The following MECOM variants were observed in gnomAD, a reference collection of about 807,000 sequenced individuals.
MECOM encodes MDS1 and EVI1 complex locus, also known as histone-lysine N-methyltransferase MECOM.
MECOM carries 13 observed loss-of-function variants against 116.3 expected under a neutral mutation model. The observed-to-expected ratio is 0.11, with a 90% CI of 0.07 to 0.18. MECOM has a LOEUF of 0.18. MECOM is among the 10% of genes least tolerant of loss of function. The pLI is 1.00. For missense variants in MECOM, 1,299 were observed against 1,509.0 expected (o/e 0.86, Z 2.31); for synonymous variants, 528 against 535.2 (o/e 0.99, Z 0.19).
chr3:169,157,007 A>G (rs188860892), intron 2 of MECOM, among the ~76,000 whole-genome samples: 1 of 152,330 alleles, frequency 6.6e-6, no homozygotes, highest in East Asian at 1.9e-4. Flanking sequence ...ATCTTTAGAT[A>G]AACCACAAAC....
chr3:169,659,360 C>T (rs879920377), intron 1 of MECOM, among the ~76,000 whole-genome samples: 3 of 149,248 alleles, frequency 2.0e-5, no homozygotes, highest in Admixed American at 6.7e-5. Context: ...TCTGCCTCTA[C>T]AGCTAATGAA....
At chr3:169,589,657 T>A (rs1043339514) in intron 1 of MECOM, among the ~76,000 whole-genome samples, 1 of 152,166 alleles carries the variant, frequency 6.6e-6, no homozygotes, top group African/African-American at 2.4e-5. Context: ...CCCCACTGAT[T>A]TATTGCTGAA....
chr3:169,509,256 T>C (rs931863065), intron 1 of MECOM, among the ~76,000 whole-genome samples: 2 of 152,240 alleles, frequency 1.3e-5, no homozygotes, highest in Admixed American at 6.5e-5. Flanking sequence ...GATGTGATGA[T>C]TGATGTTCAG....
intron 1 of MECOM, among the ~76,000 whole-genome samples, chr3:169,516,831 G>A (rs1007823879): frequency 2.0e-5 from 3 of 152,158 alleles, no homozygotes; most frequent in African/African-American, 7.2e-5. Flanking sequence ...ACCCACAGAG[G>A]AAAACGAATG....
chr3:169,300,068 CCTAA>C (rs549512354), intron 2 of MECOM, among the ~76,000 whole-genome samples: 5 of 152,294 alleles, frequency 3.3e-5, no homozygotes, highest in Admixed American at 1.3e-4. Context: ...CAGAGGTGAG[CCTAA>C]CTGAGTGCAC....
chr3:169,093,600 C>T (rs1720530710), intron 13 of MECOM, among the ~76,000 whole-genome samples: 1 of 152,148 alleles, frequency 6.6e-6, no homozygotes, highest in Non-Finnish European at 1.5e-5. Flanking sequence ...CTGGGCGAAG[C>T]TGTGAGTTGA....
rs780382585 is a variant in MECOM at position 169,381,380 on chromosome 3, C to A, written c.182G>T (p.Gly61Val). 6.2e-7 allele frequency: 1 copy of A among 1,613,898 alleles called. No individual in the cohort carries two copies. Among genetic ancestry groups the A allele is most frequent in the East Asian group, 2.2e-5 (1 of 44,864 alleles). Residue 61 changes from glycine to valine, a missense_variant, in exon 2 of 17, where the codon GGT (glycine) becomes GTT (valine). Transcript: ENST00000651503. ...GTAGATGGGGGCTTTGTAAGGAGAA[C>A]CCTCCTTTGGAGTGAATGCTTCACT... ...TSSEAFTPKE[G>V]SPYKAPIYIP...
chr3:169,561,776 C>A (rs149933762), intron 1 of MECOM, among the ~76,000 whole-genome samples: 3 of 152,096 alleles, frequency 2.0e-5, no homozygotes, highest in Non-Finnish European at 4.4e-5. Flanking sequence ...CAACTGAATG[C>A]GTATTTGCAG....
chr3:169,177,843 G>A (rs888651648), intron 2 of MECOM, among the ~76,000 whole-genome samples: 4 of 151,814 alleles, frequency 2.6e-5, no homozygotes, highest in Admixed American at 6.6e-5. Flanking sequence ...GCTTGAACCC[G>A]GGAGGCAGAG....
In MECOM at chr3:169,420,336, A is replaced by C. The variant is rs1230940406; in HGVS notation, c.38-38812T>G. On this transcript the variant is annotated intron_variant, in intron 1 of 16. Coordinates refer to ENST00000651503, the MANE Select transcript of MECOM (RefSeq NM_004991.4). ...CAAAGCATGGAAGCATGGGACCTGC[A>C]TTATGGCTCCAATCCCTGCAGCAAA... Among the ~76,000 whole-genome samples the C allele has an allele frequency of 2.0e-5, 3 of 152,130 alleles. No homozygotes were observed. The South Asian group carries it at 6.2e-4, about 32-fold the overall frequency.
chr3:169,657,804 C>G (rs1293460065), intron 1 of MECOM, among the ~76,000 whole-genome samples: 1 of 152,190 alleles, frequency 6.6e-6, no homozygotes, highest in Non-Finnish European at 1.5e-5. Flanking sequence ...ACAGTTTCTT[C>G]CCTATGTAGA....
chr3:169,309,359 G>A (rs1718318800), intron 2 of MECOM, among the ~76,000 whole-genome samples: 1 of 152,086 alleles, frequency 6.6e-6, no homozygotes, highest in African/African-American at 2.4e-5. Flanking sequence ...AATTATCAGA[G>A]AATTGAATAA....
At chr3:169,352,007 C>T (rs980194398) in intron 2 of MECOM, among the ~76,000 whole-genome samples, 1 of 151,858 alleles carries the variant, frequency 6.6e-6, no homozygotes, top group Non-Finnish European at 1.5e-5. Context: ...GCAACAATGA[C>T]CTCTTATTTA....
At chr3:169,139,306 C>T (rs569206574) in intron 3 of MECOM, among the ~76,000 whole-genome samples, 10 of 152,172 alleles carry the variant, frequency 6.6e-5, no homozygotes, top group Admixed American at 5.2e-4. Flanking sequence ...AATGAAAGGA[C>T]TTATCACCTT....
At position 169,273,149 on chromosome 3, in the gene MECOM, C is replaced by T. The variant is rs957867715; in HGVS notation, c.375+108038G>A. On this transcript the variant is annotated intron_variant, in intron 2 of 16. Transcript: ENST00000651503. ...GGTCGTATTTCAGCTGCCCACATGC[C>T]GTTTTATGTGGGCACTTAGAACACA... Among the ~76,000 whole-genome samples, 2 of 152,068 alleles carry T rather than the reference C, an allele frequency of 1.3e-5. 1 individual carries two copies. The highest frequency in any genetic ancestry group is 4.1e-4 in the South Asian group (2 of 4,820).
At chr3:169,357,116 TA>T in intron 2 of MECOM, among the ~76,000 whole-genome samples, 1 of 151,964 alleles carries the variant, frequency 6.6e-6, no homozygotes, top group South Asian at 2.1e-4. Context: ...TAAAAGCTCA[TA>T]AAAAAGCTTA....
At chr3:169,221,255 ATCT>A (rs557547517) in intron 2 of MECOM, among the ~76,000 whole-genome samples, 30 of 152,316 alleles carry the variant, frequency 2.0e-4, no homozygotes, top group Admixed American at 5.2e-4. Context: ...TATCATCATC[ATCT>A]TCTTCTTCAC....
intron 2 of MECOM, chr3:169,145,085 A>G: frequency 6.6e-7 from 1 of 1,504,482 alleles, no homozygotes. Context: ...ATTGAAGGGC[A>G]ATAAGTCGTC....
chr3:169,322,911 T>A (rs1490565707), intron 2 of MECOM, among the ~76,000 whole-genome samples: 1 of 94,958 alleles, frequency 1.1e-5, no homozygotes, highest in Non-Finnish European at 1.9e-5. Context: ...GGCAGGAGAA[T>A]CACTTGAACC....
Sources: gnomAD v4.1 joint callset for allele counts (sites outside exome capture counted in the v4.1 genomes callset) on GRCh38, gnomAD v4.1.1 for gene constraint, MANE v1.5 for transcripts, NCBI Gene and HGNC (gene_info 2026-07-23, HGNC 2026-07-21) for gene names.